Variants in GNPTAB observed in about 807,000 individuals in gnomAD.
GNPTAB encodes N-acetylglucosamine-1-phosphotransferase subunits alpha/beta.
Under a neutral mutation model 136.6 loss-of-function variants are expected in GNPTAB, and 92 were observed. The observed-to-expected ratio is 0.67, with a 90% CI of 0.57 to 0.80. The LOEUF (loss-of-function observed/expected upper bound fraction) is 0.80. GNPTAB is among the 30% of genes least tolerant of loss of function. The pLI, the probability that GNPTAB is intolerant of heterozygous loss-of-function variation, is 0.00. For missense variants in GNPTAB, 1,343 were observed against 1,501.8 expected (o/e 0.89, Z 1.75); for synonymous variants, 512 against 535.1 (o/e 0.96, Z 0.60).
At chr12:101,747,731 G>A (rs1952755023) in intron 20 of GNPTAB, among the ~76,000 whole-genome samples, 2 of 74,552 alleles carry the variant, frequency 2.7e-5, no homozygotes, top group Admixed American at 2.5e-4. Context: ...AATTTGGGAG[G>A]GGAGGAAGAG....
At chr12:101,800,729 G>A (rs966014198) in intron 1 of GNPTAB, among the ~76,000 whole-genome samples, 1 of 151,758 alleles carries the variant, frequency 6.6e-6, no homozygotes, top group African/African-American at 2.4e-5. Flanking sequence ...AGTGAGCTGA[G>A]ATCGCGCCAC....
Position 101,780,009 on chromosome 12 carries a change from A to G in GNPTAB, c.771+143T>C. 11 of 827,324 alleles carry G rather than the reference A, an allele frequency of 1.3e-5. No individual in the cohort carries two copies. The South Asian group carries it at 1.6e-4, about 12-fold the overall frequency. 51.2% of individuals were successfully genotyped at this position (827,324 alleles called of 1,614,324 possible). ...TTGCCCAAATTAAAAGTAAGGAGTGAGGCTCTTCTGGCAGAACAGAATCCC... is the reference window on the plus strand; with the variant it reads ...TTGCCCAAATTAAAAGTAAGGAGTGGGGCTCTTCTGGCAGAACAGAATCCC... On this transcript the variant is annotated intron_variant, in intron 7 of 20. Coordinates refer to ENST00000299314, the MANE Select transcript of GNPTAB (RefSeq NM_024312.5).
chr12:101,793,499 A>G (rs1259059796), intron 2 of GNPTAB, among the ~76,000 whole-genome samples: 1 of 152,228 alleles, frequency 6.6e-6, no homozygotes, highest in Non-Finnish European at 1.5e-5. Context: ...TAACTTTGGC[A>G]AAACTGACAA....
intron 7 of GNPTAB, among the ~76,000 whole-genome samples, chr12:101,775,235 T>C (rs534026518): frequency 6.6e-6 from 1 of 152,390 alleles, no homozygotes; most frequent in Admixed American, 6.5e-5. Flanking sequence ...TACTTTCATT[T>C]TGGATTCATT....
intron 1 of GNPTAB, among the ~76,000 whole-genome samples, chr12:101,818,764 A>G (rs1870645896): frequency 6.6e-6 from 1 of 152,172 alleles, no homozygotes; most frequent in Admixed American, 6.5e-5. Context: ...TGTAGCTCCC[A>G]TAATCCCCAT....
At chr12:101,806,266 AAC>A (rs200856811) in intron 1 of GNPTAB, among the ~76,000 whole-genome samples, 1,763 of 152,348 alleles carry the variant, frequency 0.012, 21 homozygotes, top group Non-Finnish European at 0.013. Flanking sequence ...TCCCCATGTA[AAC>A]ACAGACAAAC....
At chr12:101,812,184 G>A (rs1870274393) in intron 1 of GNPTAB, among the ~76,000 whole-genome samples, 2 of 152,098 alleles carry the variant, frequency 1.3e-5, no homozygotes, top group Non-Finnish European at 2.9e-5. Context: ...GGCAGAGAGA[G>A]GTTGCAGTGA....
intron 11 of GNPTAB, among the ~76,000 whole-genome samples, chr12:101,766,594 C>T (rs1403745423): frequency 6.6e-6 from 1 of 152,152 alleles, no homozygotes; most frequent in African/African-American, 2.4e-5. Flanking sequence ...GCCAAGATTA[C>T]ACCACTGCAC....
chr12:101,748,211 GTC>G (rs1952764805), intron 20 of GNPTAB, among the ~76,000 whole-genome samples: 1 of 152,318 alleles, frequency 6.6e-6, no homozygotes, highest in South Asian at 2.1e-4. Context: ...CACCTGCCCA[GTC>G]TCTGTTTCCT....
At chr12:101,809,848 T>C (rs1435519987) in intron 1 of GNPTAB, among the ~76,000 whole-genome samples, 2 of 152,236 alleles carry the variant, frequency 1.3e-5, no homozygotes, top group South Asian at 4.1e-4. Flanking sequence ...CAGGACATTA[T>C]GCGTTTGTCA....
chr12:101,804,776 G>A (rs1869846898), intron 1 of GNPTAB, among the ~76,000 whole-genome samples: 1 of 152,130 alleles, frequency 6.6e-6, no homozygotes, highest in Non-Finnish European at 1.5e-5. Flanking sequence ...CTTAAAGACT[G>A]TCACAAAAAT....
At chr12:101,767,441 A>G (rs1412611862) in intron 11 of GNPTAB, among the ~76,000 whole-genome samples, 2 of 152,318 alleles carry the variant, frequency 1.3e-5, no homozygotes, top group Non-Finnish European at 2.9e-5. Context: ...ACCAGCAGTG[A>G]GCTCCTATAA....
rs1868873611 is a variant in GNPTAB, at chr12:101,789,786, T to C, written c.323+152A>G. ...GGTGTGAGCCACCATGCCTGGCCTGTTTTGTTTTTTAAAAATCAGTTTTAC... is the reference window on the plus strand; with the variant it reads ...GGTGTGAGCCACCATGCCTGGCCTGCTTTGTTTTTTAAAAATCAGTTTTAC... On this transcript the variant is annotated intron_variant, in intron 3 of 20. Transcript: ENST00000299314. 9 of 833,980 alleles carry C rather than the reference T, an allele frequency of 1.1e-5. No individual in the cohort carries two copies. In the South Asian group the frequency reaches 1.3e-4, roughly 12 times the overall value. The allele number at this position is 833,980 out of a possible 1,614,324, so 51.7% of individuals were successfully genotyped here. A position where few individuals can be genotyped will look rare whatever the true frequency, so the allele number is the denominator to read the frequency against.
At chr12:101,813,262 T>C (rs182817840) in intron 1 of GNPTAB, among the ~76,000 whole-genome samples, 38 of 152,346 alleles carry the variant, frequency 2.5e-4, no homozygotes, top group African/African-American at 8.7e-4. Flanking sequence ...GTAAAAGCCA[T>C]TATTAAATTA....
In GNPTAB at chr12:101,827,439, T is replaced by C. The variant is rs79956442; in HGVS notation, c.117+3120A>G. ...TTTTTTGTAGAGACAGGGTCTCCTT[T>C]GTTTCCCAGGCTTGTCCAACTCCTG... On this transcript the variant is annotated intron_variant, in intron 1 of 20. Transcript: ENST00000299314. 8.9e-3 allele frequency among the ~76,000 whole-genome samples: 1,353 copies of C among 152,142 alleles called. 8 individuals carry two copies. Among genetic ancestry groups the C allele is most frequent in the Middle Eastern group, 0.014 (4 of 294 alleles).
chr12:101,804,155 G>A (rs971001181), intron 1 of GNPTAB, among the ~76,000 whole-genome samples: 2 of 151,944 alleles, frequency 1.3e-5, no homozygotes, highest in Admixed American at 6.6e-5. Context: ...CGGAGGTTGC[G>A]GTGAACCAAG....
intron 19 of GNPTAB, among the ~76,000 whole-genome samples, chr12:101,749,507 A>G (rs1566065440): frequency 6.6e-6 from 1 of 152,226 alleles, no homozygotes; most frequent in East Asian, 1.9e-4. Context: ...TTATTCACTC[A>G]GTTTCTTGAT....
intron 3 of GNPTAB, 42 bp downstream of exon 3, chr12:101,789,896 G>A (rs758462994): frequency 1.2e-5 from 19 of 1,584,486 alleles, no homozygotes; most frequent in African/African-American, 4.0e-5. Flanking sequence ...TTATTACATC[G>A]CCACATTACC....
At chr12:101,808,375 TAA>T (rs779978335) in intron 1 of GNPTAB, among the ~76,000 whole-genome samples, 77 of 106,642 alleles carry the variant, frequency 7.2e-4, no homozygotes, top group Admixed American at 1.7e-3. Context: ...CCCGGGCAAT[TAA>T]AAAAAAAAAA....
Sources: allele counts gnomAD v4.1 joint callset (sites outside exome capture counted in the v4.1 genomes callset), GRCh38; gene constraint gnomAD v4.1.1; transcripts MANE v1.5; gene names NCBI Gene and HGNC (gene_info 2026-07-23, HGNC 2026-07-21).